The following PRKCB variants were observed in gnomAD, a reference collection of about 807,000 sequenced individuals.
PRKCB encodes protein kinase C beta type.
A neutral mutation model predicts 81.5 loss-of-function variants in PRKCB; 13 were observed. The observed-to-expected ratio is 0.16, with a 90% confidence interval of 0.10 to 0.25. The LOEUF is 0.25. Among genes scored for constraint, PRKCB ranks in the 10% least tolerant of loss-of-function variants. The pLI is 1.00. For synonymous variants in PRKCB, 335 were observed against 321.4 expected (o/e 1.04, Z -0.45); for missense variants, 509 against 875.7 (o/e 0.58, Z 5.29).
intron 3 of PRKCB, among the ~76,000 whole-genome samples, chr16:24,031,334 T>C (rs1965548975): frequency 6.6e-6 from 1 of 152,230 alleles, no homozygotes; most frequent in Non-Finnish European, 1.5e-5. Flanking sequence ...CTTTGTCCTT[T>C]CCACATATGG....
At chr16:24,045,685 G>A (rs746204487) in intron 5 of PRKCB, among the ~76,000 whole-genome samples, 2 of 152,130 alleles carry the variant, frequency 1.3e-5, no homozygotes, top group Non-Finnish European at 2.9e-5. Flanking sequence ...GCATCCCATC[G>A]GCATTACCTG....
chr16:24,125,178 C>T (rs1457163034), intron 9 of PRKCB, among the ~76,000 whole-genome samples: 2 of 151,400 alleles, frequency 1.3e-5, no homozygotes, highest in Non-Finnish European at 2.9e-5. Flanking sequence ...AATTTACTTT[C>T]TACTTCGTAG....
intron 9 of PRKCB, among the ~76,000 whole-genome samples, chr16:24,147,596 G>A (rs1050344441): frequency 1.3e-5 from 2 of 152,142 alleles, no homozygotes; most frequent in African/African-American, 4.8e-5. Flanking sequence ...AAGGTGGATA[G>A]GAAAAGAGGA....
rs1447732703 is a variant in PRKCB at position 24,218,535 on chromosome 16, C to G, written c.*3719C>G. Reference sequence around the variant, plus strand: ...CCTCACTCCCACACCCTCACATAGACTTGGCAAGAGTAAGGAGGGAACTCC... The same window carrying G: ...CCTCACTCCCACACCCTCACATAGAGTTGGCAAGAGTAAGGAGGGAACTCC... On this transcript the variant is annotated 3_prime_UTR_variant, in exon 17 of 17. Transcript: ENST00000643927. 3.0e-6 allele frequency: 3 copies of G among 985,450 alleles called. No homozygotes were observed. The highest frequency in any genetic ancestry group is 3.6e-6 in the Non-Finnish European group (3 of 829,950). 61.0% of individuals were successfully genotyped at this position (985,450 alleles called of 1,614,324 possible). A position where few individuals can be genotyped will look rare whatever the true frequency, so the allele number is the denominator to read the frequency against.
chr16:24,158,630 G>GTGTGTA lies in PRKCB; in HGVS notation c.1239+3785_1239+3790dup, dbSNP rs996719189. Among the ~76,000 whole-genome samples, 3 of 151,816 alleles carry GTGTGTA rather than the reference G, an allele frequency of 2.0e-5. No individual in the cohort carries two copies. In the East Asian group the frequency reaches 5.8e-4, roughly 29 times the overall value. On this transcript the variant is annotated intron_variant, in intron 10 of 16. Transcript: ENST00000643927. The stretch of plus-strand genomic sequence containing the variant: ...TGTGTGTGTGTGTGTATGTGTATGT[G>GTGTGTA]TGTGTATGTGTATGTGTGTGTATAT...
chr16:24,123,304 G>A (rs898613208), intron 8 of PRKCB, among the ~76,000 whole-genome samples: 4 of 152,194 alleles, frequency 2.6e-5, no homozygotes, highest in Non-Finnish European at 5.9e-5. Flanking sequence ...ATCCAGGGGA[G>A]TGAAAGGAGA....
intron 2 of PRKCB, among the ~76,000 whole-genome samples, chr16:23,931,685 G>C (rs373949421): frequency 6.6e-6 from 1 of 152,010 alleles, no homozygotes; most frequent in East Asian, 1.9e-4. Flanking sequence ...TCAGGTGGTC[G>C]TTCTGGGAGG....
chr16:23,850,768 C>T (rs1039043883), intron 2 of PRKCB, among the ~76,000 whole-genome samples: 4 of 152,200 alleles, frequency 2.6e-5, no homozygotes, highest in African/African-American at 9.6e-5. Context: ...CTTTTCTCTA[C>T]ATCTTCTCCA....
At position 24,215,749 on chromosome 16, in the gene PRKCB, A is replaced by G. The variant is rs1479991523; in HGVS notation, c.*933A>G. 6.1e-6 allele frequency: 6 copies of G among 985,732 alleles called. No individual in the cohort carries two copies. In the Admixed American group the frequency reaches 1.8e-4, roughly 30 times the overall value. The allele number at this position is 985,732 out of a possible 1,614,324, so 61.1% of individuals were successfully genotyped here. A position where few individuals can be genotyped will look rare whatever the true frequency, so the allele number is the denominator to read the frequency against. On this transcript the variant is annotated 3_prime_UTR_variant, in exon 17 of 17. Coordinates refer to ENST00000643927, the MANE Select transcript of PRKCB (RefSeq NM_002738.7). ...AATGACGACCTGCTTTGATTTAACC[A>G]AGAAGACGGCTGCGGAGCCTAGCAG... is the stretch of plus-strand genomic sequence containing the variant.
chr16:23,950,670 C>T (rs1276078423), intron 2 of PRKCB, among the ~76,000 whole-genome samples: 1 of 152,208 alleles, frequency 6.6e-6, no homozygotes, highest in East Asian at 1.9e-4. Context: ...ACAGAGGGGC[C>T]TCCTGGCATC....
chr16:23,907,996 G>A (rs937940820), intron 2 of PRKCB, among the ~76,000 whole-genome samples: 1 of 152,142 alleles, frequency 6.6e-6, no homozygotes, highest in African/African-American at 2.4e-5. Flanking sequence ...GTGTATTGTT[G>A]GGGGCAGCAG....
chr16:23,974,834 CA>C (rs1020659782), intron 2 of PRKCB, among the ~76,000 whole-genome samples: 25 of 152,236 alleles, frequency 1.6e-4, no homozygotes, highest in African/African-American at 4.6e-4. Context: ...ATCTGGGTGG[CA>C]GGAGCGAATG....
At chr16:24,111,526 C>T (rs1966675885) in intron 7 of PRKCB, among the ~76,000 whole-genome samples, 1 of 151,880 alleles carries the variant, frequency 6.6e-6, no homozygotes, top group Non-Finnish European at 1.5e-5. Flanking sequence ...GTGGGATGTG[C>T]CTATAATCTC....
chr16:23,878,401 C>A (rs1372505507), intron 2 of PRKCB, among the ~76,000 whole-genome samples: 1 of 152,156 alleles, frequency 6.6e-6, no homozygotes, highest in Non-Finnish European at 1.5e-5. Context: ...GCTTATATAA[C>A]ACACGCATGA....
At chr16:23,984,915 A>G (rs1197815368) in intron 2 of PRKCB, among the ~76,000 whole-genome samples, 1 of 152,146 alleles carries the variant, frequency 6.6e-6, no homozygotes, top group East Asian at 1.9e-4. Flanking sequence ...TAAACATGGA[A>G]CTACGACAGG....
chr16:24,136,527 C>T (rs1240505454), intron 9 of PRKCB, among the ~76,000 whole-genome samples: 1 of 152,162 alleles, frequency 6.6e-6, no homozygotes, highest in Non-Finnish European at 1.5e-5. Context: ...CCCTGCTTCT[C>T]GATGACATCT....
chr16:24,108,411 G>A (rs1966608604), intron 7 of PRKCB, among the ~76,000 whole-genome samples: 1 of 141,972 alleles, frequency 7.0e-6, no homozygotes, highest in African/African-American at 2.6e-5. Context: ...GGGGGATTTG[G>A]CAGGGTCATA....
intron 2 of PRKCB, among the ~76,000 whole-genome samples, chr16:23,886,799 A>G (rs1333151134): frequency 1.3e-5 from 2 of 152,112 alleles, no homozygotes; most frequent in African/African-American, 4.8e-5. Flanking sequence ...TTTATGCCTC[A>G]TGCTCTATCT....
chr16:24,098,801 T>C (rs1474406802), intron 7 of PRKCB: 1 of 152,184 alleles, frequency 6.6e-6, no homozygotes, highest in East Asian at 1.9e-4. Context: ...GGGGCTGACC[T>C]GATGGTGAAT....
Sources: allele counts gnomAD v4.1 joint callset (sites outside exome capture counted in the v4.1 genomes callset), GRCh38; gene constraint gnomAD v4.1.1; transcripts MANE v1.5; gene names NCBI Gene and HGNC (gene_info 2026-07-23, HGNC 2026-07-21).